Variants in PCDH9 observed in about 807,000 individuals in gnomAD.
PCDH9 encodes the protein protocadherin-9.
PCDH9 carries 24 observed loss-of-function variants against 70.6 expected under a neutral mutation model. The ratio of observed to expected loss-of-function variants is 0.34; its 90% CI spans 0.25 to 0.48. The LOEUF is 0.48. PCDH9 is among the 20% of genes least tolerant of loss of function. PCDH9 has a pLI of 0.99. For synonymous variants in PCDH9, 562 were observed against 558.5 expected (o/e 1.01, Z -0.09); for missense variants, 1,281 against 1,503.6 (o/e 0.85, Z 2.45).
intron 2 of PCDH9, among the ~76,000 whole-genome samples, chr13:66,913,074 A>G (rs79459423): frequency 0.031 from 4,683 of 152,170 alleles, 243 homozygotes; most frequent in African/African-American, 0.1. Flanking sequence ...CAAATCTGGC[A>G]TGCTTTAAAG....
At chr13:66,611,339 T>C (rs1248061480) in intron 4 of PCDH9, among the ~76,000 whole-genome samples, 2 of 152,204 alleles carry the variant, frequency 1.3e-5, no homozygotes, top group Non-Finnish European at 2.9e-5. Context: ...AGTTTCTGGC[T>C]AATTAGAAGA....
chr13:66,700,935 T>TAA (rs2078634719), intron 3 of PCDH9, among the ~76,000 whole-genome samples: 3 of 97,306 alleles, frequency 3.1e-5, no homozygotes, highest in South Asian at 6.6e-4. Flanking sequence ...TATATATATA[T>TAA]ATATATATAT....
intron 4 of PCDH9, among the ~76,000 whole-genome samples, chr13:66,411,874 C>A (rs1228899476): frequency 6.6e-6 from 1 of 152,142 alleles, no homozygotes; most frequent in Non-Finnish European, 1.5e-5. Context: ...CAAAATCCAA[C>A]ATTATTCACT....
intron 4 of PCDH9, among the ~76,000 whole-genome samples, chr13:66,620,466 A>G (rs1429202287): frequency 2.0e-5 from 3 of 152,140 alleles, no homozygotes; most frequent in Non-Finnish European, 4.4e-5. Flanking sequence ...AGAAGGCTAC[A>G]TTGCATACAA....
At chr13:66,583,698 A>G (rs1049599885) in intron 4 of PCDH9, among the ~76,000 whole-genome samples, 6 of 152,172 alleles carry the variant, frequency 3.9e-5, no homozygotes, top group African/African-American at 1.4e-4. Flanking sequence ...GCAAGAAATT[A>G]TGCTGTTTAG....
At chr13:66,807,449 T>C (rs947273468) in intron 3 of PCDH9, among the ~76,000 whole-genome samples, 3 of 152,186 alleles carry the variant, frequency 2.0e-5, no homozygotes, top group Non-Finnish European at 1.5e-5. Context: ...TATGGGGTGT[T>C]ATATAAGAAC....
intron 4 of PCDH9, among the ~76,000 whole-genome samples, chr13:66,505,567 G>T (rs907523355): frequency 2.0e-5 from 3 of 151,422 alleles, no homozygotes; most frequent in African/African-American, 7.3e-5. Context: ...ATATGGTTGA[G>T]GGGGAGGCCT....
intron 3 of PCDH9, among the ~76,000 whole-genome samples, chr13:66,810,206 C>T (rs1363225813): frequency 6.6e-6 from 1 of 152,004 alleles, no homozygotes; most frequent in Non-Finnish European, 1.5e-5. Context: ...AAGCATAGGG[C>T]TTAGAATCCT....
chr13:66,560,582 G>T (rs1036004372), intron 4 of PCDH9, among the ~76,000 whole-genome samples: 1 of 152,172 alleles, frequency 6.6e-6, no homozygotes, highest in Non-Finnish European at 1.5e-5. Context: ...GCACAGCCCG[G>T]CCATCCAGTG....
At chr13:67,041,753 C>T (rs994217968) in intron 2 of PCDH9, among the ~76,000 whole-genome samples, 1 of 150,428 alleles carries the variant, frequency 6.6e-6, no homozygotes, top group Non-Finnish European at 1.5e-5. Flanking sequence ...ATGGTGTGAA[C>T]CCAGGAGTCA....
chr13:67,043,174 A>G (rs2085155940), intron 2 of PCDH9, among the ~76,000 whole-genome samples: 1 of 152,186 alleles, frequency 6.6e-6, no homozygotes, highest in African/African-American at 2.4e-5. Context: ...TTGCTTACAA[A>G]TTTTAATCAG....
intron 3 of PCDH9, among the ~76,000 whole-genome samples, chr13:66,789,215 T>G (rs2139314901): frequency 6.6e-6 from 1 of 152,298 alleles, no homozygotes; most frequent in Non-Finnish European, 1.5e-5. Context: ...CGGCTGAAAT[T>G]TAGCAGGGTG....
At chr13:66,745,801 T>G (rs1369395601) in intron 3 of PCDH9, among the ~76,000 whole-genome samples, 1 of 152,310 alleles carries the variant, frequency 6.6e-6, no homozygotes, top group African/African-American at 2.4e-5. Context: ...AAAATAAAAT[T>G]TATGTTTTGA....
intron 3 of PCDH9, among the ~76,000 whole-genome samples, chr13:66,672,747 T>C (rs189658108): frequency 6.6e-6 from 1 of 152,338 alleles, no homozygotes; most frequent in Admixed American, 6.5e-5. Context: ...ATGTGAGACA[T>C]GCAGTCAAAG....
intron 4 of PCDH9, among the ~76,000 whole-genome samples, chr13:66,509,355 C>T (rs1051548157): frequency 3.9e-5 from 6 of 152,122 alleles, no homozygotes; most frequent in Admixed American, 6.6e-5. Context: ...TGAAGGGTCC[C>T]AGTCTCTGTG....
At chr13:66,394,126 A>G (rs1232114272) in intron 4 of PCDH9, among the ~76,000 whole-genome samples, 5 of 152,188 alleles carry the variant, frequency 3.3e-5, no homozygotes, top group Non-Finnish European at 5.9e-5. Context: ...TACTGTGATT[A>G]TGTAGACAGA....
intron 2 of PCDH9, among the ~76,000 whole-genome samples, chr13:67,080,876 T>C (rs1287015877): frequency 6.6e-6 from 1 of 152,196 alleles, no homozygotes; most frequent in Non-Finnish European, 1.5e-5. Context: ...TGATAACATG[T>C]ATTGTTACAT....
chr13:67,226,736 T>A lies in PCDH9; in HGVS notation c.1705A>T (p.Ser569Cys), dbSNP rs370852230. Reference sequence around the variant, plus strand: ...AAATGATTATGAGTAAACTTGGGGCTATTGTCATTCTCATCCAGAACAGTA... The same window carrying A: ...AAATGATTATGAGTAAACTTGGGGCAATTGTCATTCTCATCCAGAACAGTA... Reference protein sequence around the residue: ...IVTVLDENDNSPKFTHNHFQF... With the variant: ...IVTVLDENDNCPKFTHNHFQF... The change falls in exon 2 of 5, where the codon AGC becomes TGC. Residue 569 changes from serine to cysteine, a missense_variant. By Grantham distance (112) the Ser-to-Cys change is moderately radical. Transcript: ENST00000377865. This position sits in a 1 kb window ranked among gnomAD's most constrained non-coding sequence, Gnocchi z 5.0. The A allele has an allele frequency of 1.9e-6, 3 of 1,614,070 alleles. No individual in the cohort carries two copies. The highest frequency in any genetic ancestry group is 2.5e-6 in the Non-Finnish European group (3 of 1,180,022).
Position 66,734,141 on chromosome 13 carries a change from G to A in PCDH9, c.3139-102730C>T, listed in dbSNP as rs558241690. On this transcript the variant is annotated intron_variant, in intron 3 of 4. Transcript: ENST00000377865. ...GGGTAGGGGCTTTGGGTCACATGAT[G>A]TAAATTGACTTGGAACTGAGTTTAA... 7.2e-5 allele frequency among the ~76,000 whole-genome samples: 11 copies of A among 152,258 alleles called. No homozygotes were observed. In the South Asian group the frequency reaches 1.0e-3, roughly 14 times the overall value.
Sources: gnomAD v4.1 joint callset for allele counts (sites outside exome capture counted in the v4.1 genomes callset) on GRCh38, gnomAD v4.1.1 for gene constraint, Gnocchi (gnomAD v3.1) non-coding constraint, MANE v1.5 for transcripts, NCBI Gene and HGNC (gene_info 2026-07-23, HGNC 2026-07-21) for gene names.